GIMAP5: variants seen among roughly 807,000 people sequenced by gnomAD.
GIMAP5 encodes GTPase, IMAP family member 5, also known as GTPase IMAP family member 5.
GIMAP5 carries 8 observed loss-of-function variants against 9.9 expected under a neutral mutation model. The ratio of observed to expected loss-of-function variants is 0.81; its 90% CI spans 0.47 to 1.45. GIMAP5 has a LOEUF of 1.45. Ranked by LOEUF, GIMAP5 falls within the 40% of genes most tolerant of loss-of-function variation. The pLI, the probability that GIMAP5 is intolerant of heterozygous loss-of-function variation, is 0.00. For synonymous variants in GIMAP5, 174 were observed against 151.4 expected (o/e 1.15, Z -1.09); for missense variants, 353 against 367.4 (o/e 0.96, Z 0.32).
intron 2 of GIMAP5, 62 bp from the exon 3 acceptor site, chr7:150,742,121 C>G: frequency 6.5e-7 from 1 of 1,548,002 alleles, no homozygotes; most frequent in Non-Finnish European, 8.7e-7. Flanking sequence ...TAACCATGAA[C>G]AATGACCTAA....
chr7:150,742,710 G>T lies in GIMAP5; in HGVS notation c.571G>T (p.Gly191Cys). 1 of 1,614,222 alleles carries T rather than the reference G, an allele frequency of 6.2e-7. No individual in the cohort carries two copies. Among genetic ancestry groups the T allele is most frequent in the Non-Finnish European group, 8.5e-7 (1 of 1,180,028 alleles). Reference protein sequence around the residue: ...ERRYCAFNNWGSVEEQRQQQA... With the variant: ...ERRYCAFNNWCSVEEQRQQQA... ...AAGGTACTGTGCCTTCAACAACTGG[G>T]GCTCTGTGGAGGAGCAGAGGCAGCA... Residue 191 changes from glycine (G) to cysteine (C), a missense_variant, in exon 3 of 3, where the codon GGC becomes TGC. Gly to Cys is a radical substitution (Grantham distance 159, BLOSUM62 -3). Transcript: ENST00000358647.
intron 1 of GIMAP5, 57 bp from the exon 2 acceptor site, chr7:150,740,822 C>A (rs1468817457): frequency 2.5e-6 from 4 of 1,570,928 alleles, no homozygotes; most frequent in East Asian, 4.5e-5. Flanking sequence ...TGCCCTCAGG[C>A]TCTACCAGCT....
Position 150,743,029 on chromosome 7 carries a change from T to C in GIMAP5, c.890T>C (p.Phe297Ser), listed in dbSNP as rs752925970. ...CTATTGTTGTGCAGCATACTTTTTT[T>C]CATTATTTTTCTGTTCATCTTTCAT... ...VFLLLCSILFFIIFLFIFHYI is the reference protein window; with the variant it reads ...VFLLLCSILFSIIFLFIFHYI The change falls in exon 3 of 3, where the codon TTC (phenylalanine) becomes TCC (serine). Residue 297 changes from phenylalanine (F) to serine (S), a missense_variant. By Grantham distance (155) the Phe-to-Ser change is radical. Transcript: ENST00000358647. The C allele has an allele frequency of 1.9e-6, 3 of 1,611,062 alleles. No homozygotes were observed. The highest frequency in any genetic ancestry group is 1.7e-6 in the Non-Finnish European group (2 of 1,177,948).
Position 150,737,537 on chromosome 7 carries a change from GCTC to G in GIMAP5, c.-172_-170del. On this transcript the variant is annotated 5_prime_UTR_variant, in exon 1 of 3. Transcript: ENST00000358647. ...ATGGAGCTTTCAGCCCCAGCACATG[GCTC>G]CTCCTTAACTGCGTCTGCTCAACCT... 1 of 1,535,582 alleles carries G rather than the reference GCTC, an allele frequency of 6.5e-7. No homozygotes were observed. The highest frequency in any genetic ancestry group is 8.7e-7 in the Non-Finnish European group (1 of 1,146,884).
Position 150,737,499 on chromosome 7 carries a change from G to T in GIMAP5, c.-216G>T. On this transcript the variant is annotated 5_prime_UTR_variant, in exon 1 of 3. Transcript: ENST00000358647. ...CTCCATAATCTCTACTTTTCTTTTT[G>T]TGCAGCTGAGTCATGGAGCTTTCAG... is the stretch of plus-strand genomic sequence containing the variant. 1 of 1,534,650 alleles carries T rather than the reference G, an allele frequency of 6.5e-7. No homozygotes were observed. Among genetic ancestry groups the T allele is most frequent in the Non-Finnish European group, 8.7e-7 (1 of 1,146,074 alleles).
At chr7:150,737,903 A>T in intron 1 of GIMAP5, 195 bp downstream of exon 1, 2 of 601,208 alleles carry the variant, frequency 3.3e-6, no homozygotes, top group Non-Finnish European at 5.9e-6. Context: ...CAGCCTGAAG[A>T]ATCTGTGCCT....
chr7:150,741,458 A>G (rs893438294), intron 2 of GIMAP5, among the ~76,000 whole-genome samples: 2 of 152,140 alleles, frequency 1.3e-5, no homozygotes, highest in African/African-American at 4.8e-5. Flanking sequence ...CACCCTCTCC[A>G]ACACCACTTC....
intron 1 of GIMAP5, chr7:150,738,922 A>T (rs1205051640): frequency 2.0e-5 from 3 of 152,252 alleles, no homozygotes; most frequent in Admixed American, 2.0e-4. Flanking sequence ...CTGCCAAAAA[A>T]TGTATTCCTC....
In GIMAP5 at chr7:150,737,563, C is replaced by A; in HGVS notation, c.-152C>A. On this transcript the variant is annotated 5_prime_UTR_variant, in exon 1 of 3. Coordinates refer to ENST00000358647, the MANE Select transcript of GIMAP5 (RefSeq NM_018384.5). ...CTCCTCCTTAACTGCGTCTGCTCAA[C>A]CTCCCTCAGCCCTGTGAACAGCATC... The A allele has an allele frequency of 6.5e-7, 1 of 1,535,666 alleles. No homozygotes were observed. The highest frequency in any genetic ancestry group is 8.7e-7 in the Non-Finnish European group (1 of 1,146,888).
chr7:150,741,241 A>AC (rs1797589737), intron 2 of GIMAP5, among the ~76,000 whole-genome samples: 1 of 151,838 alleles, frequency 6.6e-6, no homozygotes, highest in African/African-American at 2.4e-5. Flanking sequence ...CAGCTCAAAA[A>AC]GAAAAGGTCC....
intron 2 of GIMAP5, among the ~76,000 whole-genome samples, chr7:150,741,236 C>A (rs1372277212): frequency 3.3e-5 from 5 of 150,676 alleles, no homozygotes; most frequent in African/African-American, 7.3e-5. Flanking sequence ...GCTGACAGCT[C>A]AAAAAGAAAA....
intron 1 of GIMAP5, chr7:150,739,921 A>C (rs2116574814): frequency 6.6e-6 from 1 of 152,350 alleles, no homozygotes; most frequent in African/African-American, 2.4e-5. Context: ...AAATTACCAA[A>C]ATAGCAAATA....
Position 150,742,691 on chromosome 7 carries a change from C to CTG in GIMAP5, c.555_556dup (p.Ala186ValfsTer22). 6.2e-7 allele frequency: 1 copy of CTG among 1,614,234 alleles called. No individual in the cohort carries two copies. Among genetic ancestry groups the CTG allele is most frequent in the Non-Finnish European group, 8.5e-7 (1 of 1,180,046 alleles). On this transcript the variant is annotated frameshift_variant, in exon 3 of 3. Coordinates refer to ENST00000358647, the MANE Select transcript of GIMAP5 (RefSeq NM_018384.5). LOFTEE classifies it low-confidence loss of function (END_TRUNC). ...TGGTGCGGGAGTGTGAGAGAAGGTA[C>CTG]TGTGCCTTCAACAACTGGGGCTCTG...
intron 2 of GIMAP5, among the ~76,000 whole-genome samples, chr7:150,741,980 G>C (rs1387751009): frequency 6.6e-6 from 1 of 152,178 alleles, no homozygotes; most frequent in Non-Finnish European, 1.5e-5. Flanking sequence ...CTAATTCCTG[G>C]CTGTGGATCC....
intron 2 of GIMAP5, among the ~76,000 whole-genome samples, chr7:150,741,817 T>C (rs1325712003): frequency 6.6e-6 from 1 of 152,234 alleles, no homozygotes; most frequent in Non-Finnish European, 1.5e-5. Flanking sequence ...TTCTCACTTG[T>C]AACTACTAAT....
chr7:150,741,038 G>A, intron 2 of GIMAP5, 111 bp downstream of exon 2: 2 of 1,181,120 alleles, frequency 1.7e-6, no homozygotes, highest in Non-Finnish European at 1.2e-6. Flanking sequence ...CATTTTAAAT[G>A]AAGAAGATAA....
rs752671075 is a variant in GIMAP5, at chr7:150,742,769, G to T, written c.630G>T (p.Leu210=). ...AGCTCCTGGCTGTGATTGAGAGGCT[G>T]GGGAGGGAGCGAGAGGGCTCCTTCC... is the stretch of plus-strand genomic sequence containing the variant. ...QAELLAVIER[L]GREREGSFHS... The change falls in exon 3 of 3, where the codon CTG becomes CTT. Residue 210 remains leucine (L), a synonymous_variant. Coordinates refer to ENST00000358647, the MANE Select transcript of GIMAP5 (RefSeq NM_018384.5). 6.2e-7 allele frequency: 1 copy of T among 1,614,168 alleles called. No individual in the cohort carries two copies. The highest frequency in any genetic ancestry group is 1.1e-5 in the South Asian group (1 of 91,080).
In GIMAP5 at chr7:150,737,454, G is replaced by A. The variant is rs959735558; in HGVS notation, c.-261G>A. ...AGCCAACACCAGGGTGTCCTAGTCC[G>A]CAGAGGTGTGGGGGACACACTCCAT... On this transcript the variant is annotated 5_prime_UTR_variant, in exon 1 of 3. Coordinates refer to ENST00000358647, the MANE Select transcript of GIMAP5 (RefSeq NM_018384.5). The A allele has an allele frequency of 1.2e-5, 17 of 1,410,156 alleles. No homozygotes were observed. Among genetic ancestry groups the A allele is most frequent in the East Asian group, 7.4e-5 (3 of 40,330 alleles). The allele number at this position is 1,410,156 out of a possible 1,614,324, so 87.4% of individuals were successfully genotyped here. A position where few individuals can be genotyped will look rare whatever the true frequency, so the allele number is the denominator to read the frequency against.
intron 1 of GIMAP5, 95 bp downstream of exon 1, chr7:150,737,803 G>T: frequency 2.0e-6 from 2 of 1,019,062 alleles, no homozygotes; most frequent in Non-Finnish European, 2.9e-6. Context: ...ACCTTGCACA[G>T]ATCCCCTCAC....
Sources: gnomAD v4.1 joint callset for allele counts (sites outside exome capture counted in the v4.1 genomes callset) on GRCh38, gnomAD v4.1.1 for gene constraint, MANE v1.5 for transcripts, NCBI Gene and HGNC (gene_info 2026-07-23, HGNC 2026-07-21) for gene names.